MYO5B: variants seen among roughly 807,000 people sequenced by gnomAD.
MYO5B encodes unconventional myosin-Vb.
Under a neutral mutation model 229.3 loss-of-function variants are expected in MYO5B, and 143 were observed. That is an observed-to-expected ratio of 0.62 (90% CI 0.54 to 0.72). The LOEUF (loss-of-function observed/expected upper bound fraction) is 0.72. Ranked by LOEUF, MYO5B falls within the 30% of genes least tolerant of loss-of-function variation. MYO5B has a pLI of 0.00. For missense variants in MYO5B, 2,321 were observed against 2,331.0 expected, an observed-to-expected ratio of 1.00 and a Z score of 0.09; for synonymous variants, 918 against 885.2, an observed-to-expected ratio of 1.04 and a Z score of -0.66.
At chr18:50,077,201 T>C (rs1399836528) in intron 1 of MYO5B, among the ~76,000 whole-genome samples, 1 of 130,560 alleles carries the variant, frequency 7.7e-6, no homozygotes, top group Non-Finnish European at 1.6e-5. Flanking sequence ...AAAGACAACT[T>C]ACATCAGTGA....
intron 39 of MYO5B, 80 bp from the exon 40 acceptor site, chr18:49,826,703 G>T (rs563319680): frequency 6.6e-7 from 1 of 1,512,402 alleles, no homozygotes; most frequent in Non-Finnish European, 9.2e-7. Flanking sequence ...AAAGTGAGTT[G>T]GCATATATCA....
Position 49,904,815 on chromosome 18 carries a change from G to T in MYO5B, c.2428C>A (p.Leu810Met). The T allele has an allele frequency of 6.2e-7, 1 of 1,613,898 alleles. No individual in the cohort carries two copies. Among genetic ancestry groups the T allele is most frequent in the Non-Finnish European group, 8.5e-7 (1 of 1,180,030 alleles). ...GHLARRLAEH[L>M]RRIRAAVVLQ... is the part of the protein sequence containing the mutation. Reference sequence around the variant, plus strand: ...ACCACAGCCGCTCTGATCCTCCGCAGGTGCTCAGCCAGCCTGGGGAGCAAG... The same window carrying T: ...ACCACAGCCGCTCTGATCCTCCGCATGTGCTCAGCCAGCCTGGGGAGCAAG... Residue 810 changes from leucine (L) to methionine (M), a missense_variant, in exon 20 of 40, where the codon CTG becomes ATG. By Grantham distance (15) the Leu-to-Met change is conservative. This residue lies in a region of MYO5B where 2,113 missense variants were observed against 2,044.7 expected (regional missense o/e 1.03). Coordinates refer to ENST00000285039, the MANE Select transcript of MYO5B (RefSeq NM_001080467.3).
chr18:49,861,514 T>C (rs2024329036), intron 29 of MYO5B, among the ~76,000 whole-genome samples: 1 of 152,242 alleles, frequency 6.6e-6, no homozygotes, highest in Admixed American at 6.5e-5. Flanking sequence ...TGACTAAATC[T>C]TGACTCCAGT....
chr18:49,877,682 T>C (rs1463495308), intron 25 of MYO5B, 81 bp downstream of exon 25: 27 of 1,594,982 alleles, frequency 1.7e-5, no homozygotes, highest in Non-Finnish European at 2.2e-5. Context: ...GAAGAGTAAA[T>C]TTCTCTTGGA....
intron 14 of MYO5B, among the ~76,000 whole-genome samples, chr18:49,939,429 C>T (rs572634394): frequency 1.1e-3 from 167 of 152,252 alleles, no homozygotes; most frequent in African/African-American, 3.5e-3. Flanking sequence ...AAGGTGTGAG[C>T]CACCATGCCC....
intron 1 of MYO5B, among the ~76,000 whole-genome samples, chr18:50,163,476 A>T (rs2032800126): frequency 6.6e-6 from 1 of 152,200 alleles, no homozygotes. Flanking sequence ...GGAAGAAGGG[A>T]AACCCCTGGC....
chr18:49,974,880 T>TGACC (rs2025733212), intron 9 of MYO5B, among the ~76,000 whole-genome samples: 2 of 149,280 alleles, frequency 1.3e-5, no homozygotes, highest in South Asian at 4.3e-4. Flanking sequence ...AGACTGGTCA[T>TGACC]TCCACCTGCT....
chr18:49,847,895 C>G (rs935295835), intron 32 of MYO5B, among the ~76,000 whole-genome samples: 1 of 152,204 alleles, frequency 6.6e-6, no homozygotes, highest in Admixed American at 6.5e-5. Flanking sequence ...AATGCAGGTT[C>G]AGGTTTAGGA....
chr18:50,158,312 G>A (rs1274001531), intron 1 of MYO5B, among the ~76,000 whole-genome samples: 1 of 152,116 alleles, frequency 6.6e-6, no homozygotes, highest in African/African-American at 2.4e-5. Flanking sequence ...GAGCTCACAT[G>A]GATGCTGCCA....
intron 4 of MYO5B, among the ~76,000 whole-genome samples, chr18:50,025,025 T>C (rs374050935): frequency 3.0e-4 from 45 of 152,368 alleles, no homozygotes; most frequent in Middle Eastern, 6.8e-3. Flanking sequence ...GAGGTCGGCT[T>C]GCTTTCTGAC....
chr18:49,957,602 G>A (rs1255712216), intron 12 of MYO5B, among the ~76,000 whole-genome samples: 1 of 146,892 alleles, frequency 6.8e-6, no homozygotes, highest in African/African-American at 2.5e-5. Flanking sequence ...CAGCTGTGAT[G>A]ACACCACTGT....
intron 4 of MYO5B, among the ~76,000 whole-genome samples, chr18:50,017,537 T>A (rs971209920): frequency 6.6e-6 from 1 of 152,224 alleles, no homozygotes; most frequent in Non-Finnish European, 1.5e-5. Flanking sequence ...TATATTTTAA[T>A]TTTTTAGCTG....
intron 21 of MYO5B, among the ~76,000 whole-genome samples, chr18:49,899,091 C>T (rs1052420826): frequency 6.6e-6 from 1 of 152,144 alleles, no homozygotes; most frequent in Non-Finnish European, 1.5e-5. Context: ...AGAACCCAGG[C>T]CTCTGTCCAG....
chr18:50,166,996 G>A (rs2032862069), intron 1 of MYO5B, among the ~76,000 whole-genome samples: 1 of 152,286 alleles, frequency 6.6e-6, no homozygotes, highest in African/African-American at 2.4e-5. Context: ...GAATATAAAA[G>A]ACGCCTGGAA....
At chr18:49,988,800 C>A (rs2025898594) in intron 7 of MYO5B, among the ~76,000 whole-genome samples, 1 of 152,206 alleles carries the variant, frequency 6.6e-6, no homozygotes, top group African/African-American at 2.4e-5. Flanking sequence ...GAGCCACAGG[C>A]TCCAGCTCAG....
chr18:49,899,365 C>A (rs1204239490), intron 21 of MYO5B, among the ~76,000 whole-genome samples: 1 of 152,206 alleles, frequency 6.6e-6, no homozygotes, highest in Non-Finnish European at 1.5e-5. Flanking sequence ...CCTCTTGTAA[C>A]AGAGTGTCAA....
intron 37 of MYO5B, 35 bp from the exon 38 acceptor site, chr18:49,836,920 C>T (rs974002897): frequency 3.7e-6 from 6 of 1,605,674 alleles, no homozygotes; most frequent in East Asian, 4.5e-5. Context: ...TATGTTAAGC[C>T]GGTCCTCCTA....
chr18:50,129,144 T>C (rs1250196892), intron 1 of MYO5B, among the ~76,000 whole-genome samples: 2 of 152,258 alleles, frequency 1.3e-5, no homozygotes, highest in South Asian at 4.2e-4. Context: ...CATGGCCTGA[T>C]GGACGGAGAG....
intron 21 of MYO5B, among the ~76,000 whole-genome samples, chr18:49,899,125 G>A (rs2024813285): frequency 6.6e-6 from 1 of 152,110 alleles, no homozygotes. Flanking sequence ...TACTCCCTAT[G>A]CTGTTCTCAC....
Sources: allele counts gnomAD v4.1 joint callset (sites outside exome capture counted in the v4.1 genomes callset), GRCh38; gene constraint gnomAD v4.1.1; regional missense constraint gnomAD v4.1.1; transcripts MANE v1.5; gene names NCBI Gene and HGNC (gene_info 2026-07-23, HGNC 2026-07-21).